The following CYTH3 variants were observed in gnomAD, a reference collection of about 807,000 sequenced individuals.
CYTH3 encodes the protein cytohesin 3.
Under a neutral mutation model 55.1 loss-of-function variants are expected in CYTH3, and 23 were observed. The ratio of observed to expected loss-of-function variants is 0.42; its 90% CI spans 0.30 to 0.59. CYTH3 has a LOEUF of 0.59. Ranked by LOEUF, CYTH3 falls within the 20% of genes least tolerant of loss-of-function variation. CYTH3 has a pLI of 0.20. For missense variants in CYTH3, 413 were observed against 524.8 expected (o/e 0.79, Z 2.08); for synonymous variants, 249 against 194.9 (o/e 1.28, Z -2.31).
chr7:6,198,180 G>T (rs896139720), intron 1 of CYTH3, among the ~76,000 whole-genome samples: 1 of 152,048 alleles, frequency 6.6e-6, no homozygotes, highest in Non-Finnish European at 1.5e-5. Context: ...GATATTTGGG[G>T]AAAGCATTAC....
intron 1 of CYTH3, among the ~76,000 whole-genome samples, chr7:6,218,063 G>T (rs1440591079): frequency 6.6e-6 from 1 of 151,854 alleles, no homozygotes. Context: ...TGCACCTGTA[G>T]TTCCAGCTAT....
chr7:6,190,355 T>G lies in CYTH3; in HGVS notation c.117+94A>C. 4 of 935,028 alleles carry G rather than the reference T, an allele frequency of 4.3e-6. No homozygotes were observed. The South Asian group carries it at 6.2e-5, about 15-fold the overall frequency. The allele number at this position is 935,028 out of a possible 1,614,324, so 57.9% of individuals were successfully genotyped here. A position where few individuals can be genotyped will look rare whatever the true frequency, so the allele number is the denominator to read the frequency against. On this transcript the variant is annotated intron_variant, in intron 2 of 12. Coordinates refer to ENST00000350796, the MANE Select transcript of CYTH3 (RefSeq NM_004227.4). ...TATTTTTTGTTTTTGGGTTTTTTTTTTTTTTTACATTTTTGTGAGGCTACT... is the reference window on the plus strand; with the variant it reads ...TATTTTTTGTTTTTGGGTTTTTTTTGTTTTTTACATTTTTGTGAGGCTACT...
chr7:6,165,825 G>GC lies in CYTH3; in HGVS notation c.824-16dup, dbSNP rs1034713060. 6.2e-7 allele frequency: 1 copy of GC among 1,613,654 alleles called. No individual in the cohort carries two copies. The highest frequency in any genetic ancestry group is 1.3e-5 in the African/African-American group (1 of 74,902). ...CACACGCCCTCCTAGAAGCAGAAGG[G>GC]CCCCGTGAGTCTGCGCTCCGTGCAC... On this transcript the variant is annotated splice_polypyrimidine_tract_variant and intron_variant, in intron 9 of 12. Transcript: ENST00000350796.
At position 6,170,400 on chromosome 7, in the gene CYTH3, T is replaced by C. The variant is rs1175059039; in HGVS notation, c.823+135A>G. ...CCATGCAGCTACCGAGAGCGGGCTC[T>C]GGCTTAACCGCGTTTCTTTTTAACG... On this transcript the variant is annotated intron_variant, in intron 9 of 12. Coordinates refer to ENST00000350796, the MANE Select transcript of CYTH3 (RefSeq NM_004227.4). This position sits in a 1 kb window ranked among gnomAD's most constrained non-coding sequence, Gnocchi z 7.8. 3 of 808,756 alleles carry C rather than the reference T, an allele frequency of 3.7e-6. No homozygotes were observed. Among genetic ancestry groups the C allele is most frequent in the Non-Finnish European group, 3.8e-6 (2 of 522,284 alleles). 50.1% of individuals were successfully genotyped at this position (808,756 alleles called of 1,614,324 possible).
In CYTH3 at chr7:6,259,803, ATATATATAT is replaced by A. The variant is rs1780287463; in HGVS notation, c.34+12662_34+12670del. 1.6e-4 allele frequency among the ~76,000 whole-genome samples: 4 copies of A among 24,262 alleles called. 1 individual carries two copies. The South Asian group carries it at 4.1e-3, about 25-fold the overall frequency. 15.9% of individuals were successfully genotyped at this position (24,262 alleles called of 152,430 possible). A position where few individuals can be genotyped will look rare whatever the true frequency, so the allele number is the denominator to read the frequency against. ...ATATATAATATATATATATATATAT[ATATATATAT>A]AATATATATATATATATATATTTTT... On this transcript the variant is annotated intron_variant, in intron 1 of 12. Coordinates refer to ENST00000350796, the MANE Select transcript of CYTH3 (RefSeq NM_004227.4).
intron 1 of CYTH3, among the ~76,000 whole-genome samples, chr7:6,204,282 A>C (rs1274557216): frequency 6.6e-6 from 1 of 152,222 alleles, no homozygotes; most frequent in Non-Finnish European, 1.5e-5. Context: ...AATAAATTTC[A>C]AAGGATTGGT....
intron 6 of CYTH3, chr7:6,172,818 G>A (rs1369636031): frequency 5.5e-6 from 7 of 1,282,518 alleles, no homozygotes; most frequent in African/African-American, 1.5e-5. Context: ...TATATGTTGC[G>A]AACTCTCAGC....
chr7:6,166,495 G>A (rs574538369), intron 9 of CYTH3, among the ~76,000 whole-genome samples: 7 of 152,336 alleles, frequency 4.6e-5, no homozygotes, highest in African/African-American at 1.2e-4. Flanking sequence ...TGCCTCTCCA[G>A]CGCTGCGGAG....
intron 1 of CYTH3, among the ~76,000 whole-genome samples, chr7:6,194,537 C>T (rs1313627256): frequency 1.3e-5 from 2 of 152,204 alleles, no homozygotes; most frequent in Non-Finnish European, 2.9e-5. Flanking sequence ...ATCGAGAGAA[C>T]TTTGGAAAAC....
intron 4 of CYTH3, among the ~76,000 whole-genome samples, chr7:6,182,100 T>A (rs1221951927): frequency 6.6e-6 from 1 of 152,162 alleles, no homozygotes; most frequent in Non-Finnish European, 1.5e-5. Flanking sequence ...CAGGCTGGAG[T>A]GCATTAGTGC....
intron 4 of CYTH3, among the ~76,000 whole-genome samples, chr7:6,185,961 T>G (rs976642147): frequency 1.3e-5 from 2 of 151,394 alleles, no homozygotes; most frequent in African/African-American, 4.9e-5. Flanking sequence ...ACAGACCGAC[T>G]GGGCCAGGCA....
intron 1 of CYTH3, among the ~76,000 whole-genome samples, chr7:6,204,342 A>C (rs1177571557): frequency 2.0e-5 from 3 of 152,204 alleles, no homozygotes; most frequent in African/African-American, 7.2e-5. Flanking sequence ...GCCTTCAAGT[A>C]AAGCAGAGTT....
chr7:6,269,432 T>C (rs1208075849), intron 1 of CYTH3, among the ~76,000 whole-genome samples: 2 of 152,142 alleles, frequency 1.3e-5, no homozygotes, highest in Non-Finnish European at 2.9e-5. Context: ...GACACCTACA[T>C]TGATCAGGGA....
chr7:6,207,660 C>CA (rs1488756719), intron 1 of CYTH3, among the ~76,000 whole-genome samples: 3 of 149,636 alleles, frequency 2.0e-5, no homozygotes, highest in Non-Finnish European at 4.5e-5. Context: ...AAAAACAAAA[C>CA]AAAAAAAGGC....
rs1025860185 is a variant in CYTH3, at chr7:6,170,338, A to G, written c.823+197T>C. The G allele has an allele frequency of 1.2e-5, 7 of 571,908 alleles. No individual in the cohort carries two copies. Among genetic ancestry groups the G allele is most frequent in the Admixed American group, 6.6e-5 (2 of 30,268 alleles). 35.4% of individuals were successfully genotyped at this position (571,908 alleles called of 1,614,324 possible). On this transcript the variant is annotated intron_variant, in intron 9 of 12. Coordinates refer to ENST00000350796, the MANE Select transcript of CYTH3 (RefSeq NM_004227.4). The surrounding 1 kb of genome is among the most constrained non-coding windows in gnomAD (Gnocchi z 7.8). The stretch of plus-strand genomic sequence containing the variant: ...CTGGGCGCTACTCTCTGCCGCGGGC[A>G]TGGCTCTGAGGCCCCGGCTCGGAGA...
chr7:6,209,575 A>T (rs1784278361), intron 1 of CYTH3, among the ~76,000 whole-genome samples: 1 of 152,350 alleles, frequency 6.6e-6, no homozygotes, highest in South Asian at 2.1e-4. Flanking sequence ...CTCCAAGCTC[A>T]ACAGCCTTAC....
At chr7:6,234,531 A>G (rs527440042) in intron 1 of CYTH3, among the ~76,000 whole-genome samples, 1 of 152,296 alleles carries the variant, frequency 6.6e-6, no homozygotes, top group African/African-American at 2.4e-5. Context: ...GGAAGTCACC[A>G]TGGGAGGGTG....
At chr7:6,216,101 A>G (rs978333693) in intron 1 of CYTH3, among the ~76,000 whole-genome samples, 2 of 152,194 alleles carry the variant, frequency 1.3e-5, no homozygotes, top group Admixed American at 1.3e-4. Context: ...AAATATTAGA[A>G]AACAATAACA....
At chr7:6,242,500 C>T (rs1779701146) in intron 1 of CYTH3, among the ~76,000 whole-genome samples, 1 of 151,492 alleles carries the variant, frequency 6.6e-6, no homozygotes, top group Non-Finnish European at 1.5e-5. Context: ...CCTCAGCCTC[C>T]TGAGTAGCTG....
Sources: allele counts gnomAD v4.1 joint callset (sites outside exome capture counted in the v4.1 genomes callset), GRCh38; gene constraint gnomAD v4.1.1; non-coding constraint Gnocchi (gnomAD v3.1); transcripts MANE v1.5; gene names NCBI Gene and HGNC (gene_info 2026-07-23, HGNC 2026-07-21).